The following CIRSR variants were observed in gnomAD, a reference collection of about 807,000 sequenced individuals.
CIRSR encodes CBF1 (RBPJ) interacting corepressor 1.
the CIRSR span, among the ~76,000 whole-genome samples, chr2:174,394,974 G>A: frequency 6.6e-6 from 1 of 152,168 alleles, no homozygotes; most frequent in East Asian, 1.9e-4. Flanking sequence ...GGCTAAAAGT[G>A]ACTGCTCGAA....
chr2:174,395,561 T>C, the CIRSR span: 2 of 1,614,004 alleles, frequency 1.2e-6, no homozygotes, highest in Admixed American at 1.7e-5. Flanking sequence ...TTTTTTGATA[T>C]TGGATTTGGA....
chr2:174,381,701 T>A, the CIRSR span: 4 of 1,578,306 alleles, frequency 2.5e-6, no homozygotes, highest in Non-Finnish European at 3.4e-6. Context: ...AGAAGATAAG[T>A]ACCTTTTTTA....
chr2:174,371,702 A>G, the CIRSR span, among the ~76,000 whole-genome samples: 5 of 152,242 alleles, frequency 3.3e-5, no homozygotes, highest in Admixed American at 2.6e-4. Context: ...ACATTCTAAC[A>G]GCACCTTGCA....
At chr2:174,350,610 A>T in the CIRSR span, 3 of 1,223,032 alleles carry the variant, frequency 2.5e-6, no homozygotes, top group Non-Finnish European at 2.3e-6. Context: ...CGATACTGAG[A>T]TGAATACTAA....
the CIRSR span, among the ~76,000 whole-genome samples, chr2:174,357,443 A>C: frequency 6.6e-6 from 1 of 152,216 alleles, no homozygotes; most frequent in Non-Finnish European, 1.5e-5. Context: ...GACTACTTGT[A>C]TGTTCTTGTA....
chr2:174,387,083 T>A, the CIRSR span, among the ~76,000 whole-genome samples: 1 of 152,240 alleles, frequency 6.6e-6, no homozygotes, highest in Admixed American at 6.5e-5. Flanking sequence ...TAAAGAGTAG[T>A]AATAGTTTAG....
At chr2:174,361,183 C>G in the CIRSR span, among the ~76,000 whole-genome samples, 1 of 152,136 alleles carries the variant, frequency 6.6e-6, no homozygotes, top group Non-Finnish European at 1.5e-5. Flanking sequence ...TCAATATTTG[C>G]CTGTTTTAGG....
chr2:174,356,601 G>A, the CIRSR span, among the ~76,000 whole-genome samples: 3 of 118,622 alleles, frequency 2.5e-5, no homozygotes, highest in African/African-American at 7.9e-5. Context: ...GAGGGAGGGA[G>A]GGAAGAAGGA....
the CIRSR span, chr2:174,370,009 C>A: frequency 7.3e-7 from 1 of 1,365,246 alleles, no homozygotes. Flanking sequence ...ATTTGTAACA[C>A]AGCATCTGCA....
At chr2:174,371,354 T>G in the CIRSR span, among the ~76,000 whole-genome samples, 1 of 152,194 alleles carries the variant, frequency 6.6e-6, no homozygotes, top group Non-Finnish European at 1.5e-5. Context: ...AATGTTTAAT[T>G]TAAATATACA....
the CIRSR span, among the ~76,000 whole-genome samples, chr2:174,355,179 A>G: frequency 6.6e-6 from 1 of 152,178 alleles, no homozygotes; most frequent in South Asian, 2.1e-4. Flanking sequence ...TCTTTTGAGA[A>G]CTCAAAATTT....
chr2:174,389,033 C>T, the CIRSR span, among the ~76,000 whole-genome samples: 1 of 152,160 alleles, frequency 6.6e-6, no homozygotes, highest in Non-Finnish European at 1.5e-5. Flanking sequence ...AACCTCTTGC[C>T]TTTATAAATT....
At chr2:174,367,745 TAAA>T in the CIRSR span, among the ~76,000 whole-genome samples, 4 of 70,848 alleles carry the variant, frequency 5.6e-5, no homozygotes, top group Admixed American at 1.9e-4. Flanking sequence ...TGCTGTCTCT[TAAA>T]AAAAAAAAAA....
At chr2:174,380,884 C>T in the CIRSR span, 32 of 1,215,070 alleles carry the variant, frequency 2.6e-5, no homozygotes, top group East Asian at 7.0e-4. Context: ...TAAAAATCTA[C>T]TGTATACACT....
chr2:174,377,722 G>T, the CIRSR span, among the ~76,000 whole-genome samples: 1 of 151,098 alleles, frequency 6.6e-6, no homozygotes. Flanking sequence ...CTACTCGGGG[G>T]GCTGAGGTGG....
At chr2:174,364,933 C>T in the CIRSR span, among the ~76,000 whole-genome samples, 2 of 152,180 alleles carry the variant, frequency 1.3e-5, no homozygotes, top group African/African-American at 2.4e-5. Flanking sequence ...GATTAACATT[C>T]GGTTCCTTGT....
chr2:174,348,375 CTTTT>C, the CIRSR span: 1 of 1,443,272 alleles, frequency 6.9e-7, no homozygotes, highest in African/African-American at 1.4e-5. Flanking sequence ...TAAAATTGAG[CTTTT>C]TTATTAGAAA....
the CIRSR span, among the ~76,000 whole-genome samples, chr2:174,354,610 TATATATTTTATATA>T: frequency 2.8e-5 from 1 of 35,314 alleles, no homozygotes; most frequent in Non-Finnish European, 5.5e-5. Flanking sequence ...TATATTATAT[TATATATTTTATATA>T]TTATATAATA....
the CIRSR span, among the ~76,000 whole-genome samples, chr2:174,356,547 G>GAAGGAAGGA: frequency 2.0e-5 from 3 of 148,508 alleles, no homozygotes; most frequent in Non-Finnish European, 4.5e-5. Context: ...AGGAAGGAAG[G>GAAGGAAGGA]AAGGAAAGGA....
Sources: gnomAD v4.1 joint callset for allele counts (sites outside exome capture counted in the v4.1 genomes callset) on GRCh38, gnomAD v4.1.1 for gene constraint, MANE v1.5 for transcripts, NCBI Gene and HGNC (gene_info 2026-07-23, HGNC 2026-07-21) for gene names.